The following THSD7B variants were observed in gnomAD, a reference collection of about 807,000 sequenced individuals.
The protein encoded by THSD7B is thrombospondin type 1 domain containing 7B.
Under a neutral mutation model 213.6 loss-of-function variants are expected in THSD7B, and 138 were observed. The observed-to-expected ratio is 0.65, with a 90% confidence interval of 0.56 to 0.74. The LOEUF is 0.74. Ranked by LOEUF, THSD7B falls within the 30% of genes least tolerant of loss-of-function variation. The pLI, the probability that THSD7B is intolerant of heterozygous loss-of-function variation, is 0.00. For synonymous variants in THSD7B, 742 were observed against 687.0 expected, an observed-to-expected ratio of 1.08 and a Z score of -1.25; for missense variants, 1,931 against 1,991.5, an observed-to-expected ratio of 0.97 and a Z score of 0.58.
chr2:137,046,638 G>A (rs1279534356), intron 2 of THSD7B, among the ~76,000 whole-genome samples: 1 of 149,386 alleles, frequency 6.7e-6, no homozygotes, highest in Non-Finnish European at 1.5e-5. Flanking sequence ...GCTGAGGCAG[G>A]AGAATCATTT....
rs529939766 is a variant in THSD7B, at chr2:136,854,437, C to A, written c.-35-27707C>A. Among the ~76,000 whole-genome samples, 17 of 151,936 alleles carry A rather than the reference C, an allele frequency of 1.1e-4. No individual in the cohort carries two copies. The South Asian group carries it at 3.5e-3, about 32-fold the overall frequency. On this transcript the variant is annotated intron_variant, in intron 1 of 27. Coordinates refer to ENST00000409968, the MANE Select transcript of THSD7B (RefSeq NM_001316349.2). ...TACTTCTTTGCTTCATAAGTGGGCA[C>A]ATTTCCTTAACTACACAACTTTCTA... is the stretch of plus-strand genomic sequence containing the variant.
At chr2:137,356,324 A>G (rs1410992904) in intron 12 of THSD7B, among the ~76,000 whole-genome samples, 1 of 152,124 alleles carries the variant, frequency 6.6e-6, no homozygotes, top group Non-Finnish European at 1.5e-5. Context: ...TTCTTTAGGA[A>G]TCCACCTTAA....
intron 1 of THSD7B, among the ~76,000 whole-genome samples, chr2:136,829,205 C>T (rs1682709460): frequency 6.6e-6 from 1 of 150,790 alleles, no homozygotes; most frequent in Non-Finnish European, 1.5e-5. Context: ...CTCCAGAGTG[C>T]CCAGAATGCT....
At chr2:137,644,864 G>A (rs1045138588) in intron 21 of THSD7B, among the ~76,000 whole-genome samples, 4 of 152,166 alleles carry the variant, frequency 2.6e-5, no homozygotes, top group African/African-American at 4.8e-5. Flanking sequence ...GCTCGCGTGG[G>A]CACAGTGGGT....
At chr2:136,923,666 T>A (rs549389786) in intron 2 of THSD7B, among the ~76,000 whole-genome samples, 1 of 152,316 alleles carries the variant, frequency 6.6e-6, no homozygotes, top group African/African-American at 2.4e-5. Context: ...GGGCGAGGTG[T>A]TATCTCTTTG....
chr2:137,432,452 G>GA (rs537760863), intron 14 of THSD7B, among the ~76,000 whole-genome samples: 143 of 152,190 alleles, frequency 9.4e-4, no homozygotes, highest in African/African-American at 3.1e-3. Context: ...TCACAAATTT[G>GA]AAAAAATATA....
chr2:137,312,304 A>G (rs917889462), intron 12 of THSD7B, among the ~76,000 whole-genome samples: 23 of 152,106 alleles, frequency 1.5e-4, no homozygotes, highest in Non-Finnish European at 1.5e-4. Context: ...AGAGGTGTTT[A>G]TAGTATTCTC....
intron 12 of THSD7B, among the ~76,000 whole-genome samples, chr2:137,301,013 A>C (rs1377437): frequency 0.062 from 9,406 of 152,194 alleles, 539 homozygotes; most frequent in African/African-American, 0.14. Flanking sequence ...TATTGCAATT[A>C]TCATCACTAT....
At chr2:136,832,255 A>G (rs557834788) in intron 1 of THSD7B, among the ~76,000 whole-genome samples, 3 of 151,726 alleles carry the variant, frequency 2.0e-5, no homozygotes, top group South Asian at 2.1e-4. Context: ...TCACACAGTT[A>G]TGGAGGATGA....
At chr2:137,421,408 C>T (rs1002555454) in intron 14 of THSD7B, among the ~76,000 whole-genome samples, 6 of 152,180 alleles carry the variant, frequency 3.9e-5, no homozygotes, top group African/African-American at 7.2e-5. Flanking sequence ...GGGGTTCCCA[C>T]GACTCCCACT....
rs867792604 is a variant in THSD7B at position 137,313,050 on chromosome 2, C to T, written c.2500+37024C>T. Among the ~76,000 whole-genome samples the T allele has an allele frequency of 5.7e-3, 856 of 151,050 alleles. 7 individuals are homozygous for T. The highest frequency in any genetic ancestry group is 0.02 in the African/African-American group (818 of 41,074). On this transcript the variant is annotated intron_variant, in intron 12 of 27. Transcript: ENST00000409968. ...GCTTGGTGCAGAGCTGAGTTCAATT[C>T]CTGGGTATCCTTGTTGACTTTCTGT...
intron 1 of THSD7B, among the ~76,000 whole-genome samples, chr2:136,772,402 A>T (rs762991199): frequency 3.3e-5 from 5 of 152,112 alleles, no homozygotes; most frequent in Non-Finnish European, 5.9e-5. Context: ...TTGTGCATGA[A>T]GATTATATCA....
chr2:137,275,283 A>G (rs551201576), intron 11 of THSD7B, among the ~76,000 whole-genome samples: 1 of 152,210 alleles, frequency 6.6e-6, no homozygotes, highest in South Asian at 2.1e-4. Context: ...CTATCAGATA[A>G]GATAGTTCCA....
intron 12 of THSD7B, among the ~76,000 whole-genome samples, 159 bp downstream of exon 12, chr2:137,276,185 T>G (rs946777082): frequency 6.6e-6 from 1 of 152,146 alleles, no homozygotes. Context: ...TTGGCATAGT[T>G]AGCAGTTTAT....
At chr2:137,069,478 TAGAG>T (rs964117360) in intron 3 of THSD7B, among the ~76,000 whole-genome samples, 1 of 152,204 alleles carries the variant, frequency 6.6e-6, no homozygotes, top group Admixed American at 6.6e-5. Context: ...TTTACTTTGA[TAGAG>T]AGGAACGTTT....
chr2:136,906,920 T>A (rs538608224), intron 2 of THSD7B, among the ~76,000 whole-genome samples: 1 of 147,882 alleles, frequency 6.8e-6, no homozygotes, highest in African/African-American at 2.5e-5. Context: ...TATTCATAGA[T>A]TCCTTACATT....
rs186630113 is a variant in THSD7B, at chr2:137,159,772, C to T, written c.1370-441C>T. On this transcript the variant is annotated intron_variant, in intron 5 of 27. Transcript: ENST00000409968. ...TGCCAGCTCCCTCGCTCAGGGGAGT[C>T]GCAGCAGTAAATTGGTTATGCTAAA... 9.9e-5 allele frequency among the ~76,000 whole-genome samples: 15 copies of T among 152,230 alleles called. No individual in the cohort carries two copies. The East Asian group carries it at 1.7e-3, about 18-fold the overall frequency.
intron 1 of THSD7B, among the ~76,000 whole-genome samples, chr2:136,845,199 G>A (rs750292277): frequency 1.3e-5 from 2 of 152,166 alleles, no homozygotes; most frequent in Non-Finnish European, 2.9e-5. Flanking sequence ...GGAGCATCTG[G>A]GCACATTCCT....
intron 12 of THSD7B, among the ~76,000 whole-genome samples, chr2:137,401,637 T>TC (rs1269332332): frequency 3.5e-4 from 53 of 150,428 alleles, no homozygotes; most frequent in South Asian, 8.4e-4. Context: ...TTTCTTTCTT[T>TC]TTTTTTTTTT....
Sources: gnomAD v4.1 joint callset for allele counts (sites outside exome capture counted in the v4.1 genomes callset) on GRCh38, gnomAD v4.1.1 for gene constraint, MANE v1.5 for transcripts, NCBI Gene and HGNC (gene_info 2026-07-23, HGNC 2026-07-21) for gene names.